Variants in ARMC3 observed in about 807,000 individuals in gnomAD.
ARMC3 encodes armadillo repeat-containing protein 3.
In ARMC3, 74 loss-of-function variants were observed where a neutral mutation model predicts 90.3. The ratio of observed to expected loss-of-function variants is 0.82; its 90% CI spans 0.68 to 0.99. ARMC3 has a LOEUF of 0.99. ARMC3 is among the 50% of genes least tolerant of loss of function. The pLI is 0.00. For missense variants in ARMC3, 958 were observed against 1,042.8 expected (o/e 0.92, Z 1.12); for synonymous variants, 334 against 361.8 (o/e 0.92, Z 0.87).
At chr10:22,990,444 C>G (rs148854546) in intron 10 of ARMC3, among the ~76,000 whole-genome samples, 1 of 152,138 alleles carries the variant, frequency 6.6e-6, no homozygotes, top group Non-Finnish European at 1.5e-5. Flanking sequence ...TATGATCTTA[C>G]GTTTCCATGA....
At chr10:22,953,109 A>T (rs1834797603) in intron 3 of ARMC3, among the ~76,000 whole-genome samples, 1 of 152,208 alleles carries the variant, frequency 6.6e-6, no homozygotes, top group South Asian at 2.1e-4. Flanking sequence ...AAAGAAGGCA[A>T]GAGAGTCAGA....
In ARMC3 at chr10:23,008,908, C is replaced by A. The variant is rs374503216; in HGVS notation, c.2022C>A (p.Ser674Arg). The A allele has an allele frequency of 6.2e-7, 1 of 1,613,240 alleles. No homozygotes were observed. The highest frequency in any genetic ancestry group is 8.5e-7 in the Non-Finnish European group (1 of 1,179,592). The change falls in exon 16 of 19, where the codon AGC becomes AGA. Residue 674 changes from serine (S) to arginine (R), a missense_variant. Coordinates refer to ENST00000298032, the MANE Select transcript of ARMC3 (RefSeq NM_173081.5). The stretch of plus-strand genomic sequence containing the variant: ...GACGAAATACTGTTCTCAGCAAAAG[C>A]GCCACCAAAGAAAAAGGATGGAGGT... ...ASGRNTVLSKSATKEKGWRKS... is the reference protein window; with the variant it reads ...ASGRNTVLSKRATKEKGWRKS...
At chr10:23,004,130 T>TAAAAA (rs201287100) in intron 13 of ARMC3, among the ~76,000 whole-genome samples, 1 of 145,580 alleles carries the variant, frequency 6.9e-6, no homozygotes. Context: ...ACCTGTCTTT[T>TAAAAA]AAAAAAAAAA....
At chr10:22,984,701 T>A (rs1324347170) in intron 10 of ARMC3, among the ~76,000 whole-genome samples, 6 of 152,222 alleles carry the variant, frequency 3.9e-5, no homozygotes, top group Non-Finnish European at 7.4e-5. Context: ...TGAAGTAATC[T>A]GATCATCACC....
chr10:23,000,214 C>A (rs1171487928), intron 11 of ARMC3, among the ~76,000 whole-genome samples: 1 of 152,070 alleles, frequency 6.6e-6, no homozygotes, highest in African/African-American at 2.4e-5. Flanking sequence ...ACTCTACACT[C>A]CAGAAATGCC....
At position 23,006,988 on chromosome 10, in the gene ARMC3, C is replaced by T; in HGVS notation, c.1829+7C>T. On this transcript the variant is annotated splice_region_variant and intron_variant, in intron 14 of 18. Transcript: ENST00000298032. ...TCAACAGTAAATCTTACGTGTGAGT[C>T]TCTGCAGGGAGAGGGGATGAAGGGA... is the stretch of plus-strand genomic sequence containing the variant. The T allele has an allele frequency of 6.3e-7, 1 of 1,592,430 alleles. No homozygotes were observed. The highest frequency in any genetic ancestry group is 8.6e-7 in the Non-Finnish European group (1 of 1,167,170).
intron 10 of ARMC3, among the ~76,000 whole-genome samples, chr10:22,990,409 T>G (rs1174202922): frequency 6.6e-6 from 1 of 152,214 alleles, no homozygotes; most frequent in Non-Finnish European, 1.5e-5. Flanking sequence ...AATGAAATTT[T>G]CATGCACACA....
intron 6 of ARMC3, 130 bp downstream of exon 6, chr10:22,959,704 ATCAT>A: frequency 1.0e-5 from 9 of 886,072 alleles, no homozygotes; most frequent in African/African-American, 1.7e-5. Context: ...ACTGGTATTT[ATCAT>A]TCAGAGAAAA....
intron 2 of ARMC3, among the ~76,000 whole-genome samples, chr10:22,939,691 G>T (rs1221208076): frequency 6.6e-6 from 1 of 151,998 alleles, no homozygotes; most frequent in Non-Finnish European, 1.5e-5. Context: ...GCCCCCAAAA[G>T]AATCTAGATG....
chr10:22,956,311 C>CT (rs1426407319), intron 4 of ARMC3, among the ~76,000 whole-genome samples: 1 of 152,100 alleles, frequency 6.6e-6, no homozygotes, highest in Non-Finnish European at 1.5e-5. Context: ...TTGATAAACT[C>CT]TTTTTTTGAA....
At chr10:23,016,182 T>C (rs538802362) in intron 16 of ARMC3, among the ~76,000 whole-genome samples, 1 of 152,340 alleles carries the variant, frequency 6.6e-6, no homozygotes, top group African/African-American at 2.4e-5. Context: ...GTGGAATTTA[T>C]TGAATGCTGC....
At chr10:22,981,753 A>C (rs1836201832) in intron 10 of ARMC3, 53 bp downstream of exon 10, 1 of 1,431,026 alleles carries the variant, frequency 7.0e-7, no homozygotes, top group Non-Finnish European at 9.8e-7. Context: ...TTCACAGTCC[A>C]AGATGTTCTC....
intron 16 of ARMC3, among the ~76,000 whole-genome samples, chr10:23,012,306 G>A (rs570003238): frequency 1.3e-5 from 2 of 152,020 alleles, no homozygotes; most frequent in East Asian, 1.9e-4. Context: ...GATCCATGTC[G>A]CTTTGTTCTA....
intron 10 of ARMC3, among the ~76,000 whole-genome samples, chr10:22,984,195 T>C (rs11013223): frequency 0.031 from 4,746 of 152,312 alleles, 246 homozygotes; most frequent in African/African-American, 0.11. Flanking sequence ...ACCCTTCTCC[T>C]ACACGCATAT....
chr10:22,945,959 A>G (rs1184292057), intron 2 of ARMC3, among the ~76,000 whole-genome samples, 185 bp from the exon 3 acceptor site: 1 of 152,218 alleles, frequency 6.6e-6, no homozygotes, highest in African/African-American at 2.4e-5. Context: ...AGGCATTCCA[A>G]TGCTGACAAT....
At chr10:23,014,412 C>G in intron 16 of ARMC3, 1 of 1,161,170 alleles carries the variant, frequency 8.6e-7, no homozygotes, top group Non-Finnish European at 1.1e-6. Context: ...TTTTGGTCAA[C>G]CCTTCTTGTC....
intron 16 of ARMC3, among the ~76,000 whole-genome samples, chr10:23,010,905 TTCCCCTCTTC>T (rs1837969223): frequency 5.0e-5 from 1 of 20,090 alleles, no homozygotes; most frequent in Non-Finnish European, 1.3e-4. Context: ...CTTCCCTTCC[TTCCCCTCTTC>T]TTCCCTTCCC....
intron 3 of ARMC3, among the ~76,000 whole-genome samples, chr10:22,950,292 C>T (rs1294775037): frequency 6.6e-6 from 1 of 151,864 alleles, no homozygotes; most frequent in East Asian, 1.9e-4. Context: ...ATATATTGTG[C>T]AACTTGAAAC....
intron 10 of ARMC3, among the ~76,000 whole-genome samples, chr10:22,987,088 C>A (rs1321255555): frequency 1.3e-5 from 2 of 152,130 alleles, no homozygotes; most frequent in Non-Finnish European, 2.9e-5. Flanking sequence ...GGACACATAT[C>A]TTTTCTTGGT....
Sources: allele counts gnomAD v4.1 joint callset (sites outside exome capture counted in the v4.1 genomes callset), GRCh38; gene constraint gnomAD v4.1.1; transcripts MANE v1.5; gene names NCBI Gene and HGNC (gene_info 2026-07-23, HGNC 2026-07-21).